The following FMN1 variants were observed in gnomAD, a reference collection of about 807,000 sequenced individuals.
The protein encoded by FMN1 is formin 1, also known as formin-1.
In FMN1, 110 loss-of-function variants were observed where a neutral mutation model predicts 132.4. That is an observed-to-expected ratio of 0.83 (90% CI 0.71 to 0.97). FMN1 has a LOEUF of 0.97. FMN1 is among the 50% of genes least tolerant of loss of function. FMN1 has a pLI of 0.00. For missense variants in FMN1, 1,792 were observed against 1,705.3 expected (o/e 1.05, Z -0.90); for synonymous variants, 722 against 651.7 (o/e 1.11, Z -1.64).
intron 20 of FMN1, among the ~76,000 whole-genome samples, chr15:32,775,466 A>G (rs925138790): frequency 3.9e-5 from 6 of 152,278 alleles, no homozygotes; most frequent in African/African-American, 1.4e-4. Flanking sequence ...CTTGGCTGTA[A>G]AAGTCTGGAT....
At position 32,896,080 on chromosome 15, in the gene FMN1, A is replaced by G. The variant is rs550263350; in HGVS notation, c.3714+2754T>C. On this transcript the variant is annotated intron_variant, in intron 15 of 20. Coordinates refer to ENST00000616417, the MANE Select transcript of FMN1 (RefSeq NM_001277313.2). ...ACTTTGCTCTGGTCTCTGGTATGAG[A>G]TCTAGGAGATAATTCAATTTCTTCC... is the stretch of plus-strand genomic sequence containing the variant. Among the ~76,000 whole-genome samples, 4 of 152,110 alleles carry G rather than the reference A, an allele frequency of 2.6e-5. No homozygotes were observed. The South Asian group carries it at 8.3e-4, about 32-fold the overall frequency.
intron 12 of FMN1, chr15:32,908,188 C>T: frequency 4.0e-6 from 1 of 252,784 alleles, no homozygotes. Context: ...TTCTTCCTTC[C>T]TCAGTTACCC....
intron 2 of FMN1, among the ~76,000 whole-genome samples, chr15:33,192,774 C>G (rs933298931): frequency 1.3e-5 from 2 of 152,186 alleles, no homozygotes; most frequent in African/African-American, 4.8e-5. Flanking sequence ...TATTATCCTT[C>G]TTGACTAGTA....
intron 7 of FMN1, among the ~76,000 whole-genome samples, chr15:32,972,884 A>G (rs2031902432): frequency 6.6e-6 from 1 of 152,134 alleles, no homozygotes; most frequent in South Asian, 2.1e-4. Context: ...GCCGAACCCC[A>G]ATGTGTTCCT....
intron 10 of FMN1, 107 bp from the exon 11 acceptor site, chr15:32,910,642 T>C: frequency 1.2e-6 from 1 of 839,214 alleles, no homozygotes. Flanking sequence ...TATTGCGTTT[T>C]CTTACACAAG....
intron 4 of FMN1, among the ~76,000 whole-genome samples, chr15:33,136,727 G>C (rs1257236745): frequency 2.0e-5 from 3 of 152,046 alleles, no homozygotes; most frequent in African/African-American, 7.2e-5. Context: ...CTGCTATATT[G>C]AATGCAAGTC....
intron 6 of FMN1, among the ~76,000 whole-genome samples, chr15:33,036,296 T>C (rs345885): frequency 0.37 from 55,877 of 152,074 alleles, 10,780 homozygotes; most frequent in Admixed American, 0.47. Context: ...CAATACTTCT[T>C]AATAAATGTA....
chr15:32,997,621 G>A (rs1053013855), intron 7 of FMN1, among the ~76,000 whole-genome samples: 8 of 152,104 alleles, frequency 5.3e-5, no homozygotes, highest in Non-Finnish European at 1.0e-4. Context: ...TTCCTTCTCA[G>A]TAGCCAGGAT....
chr15:33,125,918 T>A lies in FMN1; in HGVS notation c.1867+27130A>T, dbSNP rs192849489. On this transcript the variant is annotated intron_variant, in intron 4 of 20. Coordinates refer to ENST00000616417, the MANE Select transcript of FMN1 (RefSeq NM_001277313.2). ...AGCCTATTGAAAAGTGCCAAATTTC[T>A]TTCTAAAAACCATCTCTAACAATTC... 1.4e-4 allele frequency among the ~76,000 whole-genome samples: 22 copies of A among 152,322 alleles called. No individual in the cohort carries two copies. The East Asian group carries it at 3.9e-3, about 27-fold the overall frequency.
chr15:33,053,497 G>A (rs1420221069), intron 6 of FMN1, among the ~76,000 whole-genome samples: 10 of 152,248 alleles, frequency 6.6e-5, no homozygotes, highest in Non-Finnish European at 1.2e-4. Context: ...CTGCAAGTTC[G>A]GGAAAGGGGC....
intron 3 of FMN1, among the ~76,000 whole-genome samples, chr15:33,173,894 A>G (rs544285392): frequency 1.8e-4 from 28 of 152,252 alleles, no homozygotes; most frequent in East Asian, 1.2e-3. Context: ...GCGCCACTGC[A>G]CTCCAGCCTG....
chr15:32,862,151 T>G (rs967626052), intron 16 of FMN1, among the ~76,000 whole-genome samples: 1 of 152,098 alleles, frequency 6.6e-6, no homozygotes, highest in African/African-American at 2.4e-5. Context: ...GAAGGCTAAT[T>G]AATGATGACA....
At chr15:32,987,536 G>C (rs1443177942) in intron 7 of FMN1, among the ~76,000 whole-genome samples, 5 of 152,104 alleles carry the variant, frequency 3.3e-5, no homozygotes. Flanking sequence ...CACAACATAT[G>C]AAACTGATTA....
intron 4 of FMN1, among the ~76,000 whole-genome samples, chr15:33,116,573 G>A (rs150192073): frequency 1.3e-5 from 2 of 151,896 alleles, no homozygotes; most frequent in Non-Finnish European, 2.9e-5. Flanking sequence ...TTAGTTTGTC[G>A]AAAGTTTTTT....
intron 4 of FMN1, among the ~76,000 whole-genome samples, chr15:33,146,384 T>C (rs1419950238): frequency 3.3e-5 from 5 of 152,228 alleles, no homozygotes; most frequent in Non-Finnish European, 7.3e-5. Context: ...CTCTTGGTAC[T>C]TTTCCTTCAG....
chr15:32,942,469 CAAAAAT>C (rs2061421773), intron 9 of FMN1, among the ~76,000 whole-genome samples: 1 of 152,146 alleles, frequency 6.6e-6, no homozygotes, highest in Non-Finnish European at 1.5e-5. Flanking sequence ...CAGACAGGGC[CAAAAAT>C]AAAAATAAAT....
intron 15 of FMN1, among the ~76,000 whole-genome samples, chr15:32,895,887 A>T (rs979535890): frequency 6.6e-6 from 1 of 152,106 alleles, no homozygotes; most frequent in Non-Finnish European, 1.5e-5. Flanking sequence ...TTTTAGTTTT[A>T]TGCATTGAAA....
intron 17 of FMN1, among the ~76,000 whole-genome samples, chr15:32,817,228 C>T: frequency 6.6e-6 from 1 of 152,272 alleles, no homozygotes; most frequent in South Asian, 2.1e-4. Context: ...ACCAGAACGT[C>T]CTGTAAATAA....
chr15:32,850,104 A>AC (rs2058974953), intron 17 of FMN1, among the ~76,000 whole-genome samples: 1 of 152,146 alleles, frequency 6.6e-6, no homozygotes, highest in African/African-American at 2.4e-5. Context: ...AGTACACAAG[A>AC]ACCCATTTTG....
Sources: gnomAD v4.1 joint callset for allele counts (sites outside exome capture counted in the v4.1 genomes callset) on GRCh38, gnomAD v4.1.1 for gene constraint, MANE v1.5 for transcripts, NCBI Gene and HGNC (gene_info 2026-07-23, HGNC 2026-07-21) for gene names.